TPX2: variants seen among roughly 807,000 people sequenced by gnomAD.
TPX2 encodes targeting protein for Xklp2.
A neutral mutation model predicts 93.6 loss-of-function variants in TPX2; 21 were observed. The observed-to-expected ratio is 0.22, with a 90% CI of 0.16 to 0.32. The LOEUF is 0.32. Ranked by LOEUF, TPX2 falls within the 10% of genes least tolerant of loss-of-function variation. TPX2 has a pLI of 1.00. For synonymous variants in TPX2, 281 were observed against 298.3 expected, an observed-to-expected ratio of 0.94 and a Z score of 0.60; for missense variants, 776 against 871.1, an observed-to-expected ratio of 0.89 and a Z score of 1.37.
chr20:31,772,520 A>T (rs2061970615), intron 7 of TPX2, among the ~76,000 whole-genome samples: 2 of 152,352 alleles, frequency 1.3e-5, no homozygotes, highest in South Asian at 4.1e-4. Flanking sequence ...TAAAAGAAAT[A>T]TAAAAGGAAA....
intron 2 of TPX2, among the ~76,000 whole-genome samples, chr20:31,745,416 G>T (rs2122946307): frequency 6.8e-6 from 1 of 147,432 alleles, no homozygotes; most frequent in East Asian, 2.0e-4. Flanking sequence ...TGCAACCTCT[G>T]CCTCCCTGGT....
chr20:31,784,093 T>G (rs1382812057), intron 12 of TPX2, among the ~76,000 whole-genome samples, 172 bp downstream of exon 12: 3 of 152,182 alleles, frequency 2.0e-5, no homozygotes, highest in Non-Finnish European at 2.9e-5. Context: ...CAAAGTCTGG[T>G]ATGGGAGACA....
At chr20:31,779,019 C>T (rs1475770835) in intron 10 of TPX2, 35 bp downstream of exon 10, 20 of 1,530,320 alleles carry the variant, frequency 1.3e-5, no homozygotes, top group Non-Finnish European at 1.7e-5. Flanking sequence ...TTGGATGGAA[C>T]CTCTCCTACA....
chr20:31,744,743 AT>A (rs2061773821), intron 2 of TPX2, among the ~76,000 whole-genome samples: 1 of 152,016 alleles, frequency 6.6e-6, no homozygotes, highest in Non-Finnish European at 1.5e-5. Context: ...GTATTCCATT[AT>A]TTGGTTCTTT....
At chr20:31,764,183 T>G (rs564014894) in intron 4 of TPX2, among the ~76,000 whole-genome samples, 1 of 151,906 alleles carries the variant, frequency 6.6e-6, no homozygotes, top group East Asian at 1.9e-4. Context: ...TATGTATATA[T>G]TTTTGAGACA....
chr20:31,793,318 T>C (rs1312003186), intron 13 of TPX2, among the ~76,000 whole-genome samples: 2 of 152,256 alleles, frequency 1.3e-5, no homozygotes, highest in Non-Finnish European at 2.9e-5. Context: ...CAGTTTCTTG[T>C]TACATCTCCC....
At chr20:31,780,004 GGTT>G (rs2062023345) in intron 10 of TPX2, among the ~76,000 whole-genome samples, 3 of 152,306 alleles carry the variant, frequency 2.0e-5, no homozygotes, top group African/African-American at 7.2e-5. Context: ...AGCAGAATGT[GGTT>G]GTTTTACCTT....
At chr20:31,789,818 C>G (rs539376349) in intron 12 of TPX2, among the ~76,000 whole-genome samples, 1 of 152,264 alleles carries the variant, frequency 6.6e-6, no homozygotes, top group Non-Finnish European at 1.5e-5. Context: ...TCCTTCATGG[C>G]CTACTTATTA....
intron 12 of TPX2, among the ~76,000 whole-genome samples, chr20:31,791,092 G>A (rs116057887): frequency 1.8e-4 from 28 of 152,270 alleles, no homozygotes; most frequent in Admixed American, 1.1e-3. Context: ...TCAGTAGTTC[G>A]TTGTGGTTGC....
intron 2 of TPX2, among the ~76,000 whole-genome samples, chr20:31,750,896 T>TTTGTTG (rs540926106): frequency 2.0e-5 from 3 of 151,900 alleles, no homozygotes; most frequent in Non-Finnish European, 4.4e-5. Flanking sequence ...GCTTAACTAT[T>TTTGTTG]TTGTTGTTGT....
intron 5 of TPX2, among the ~76,000 whole-genome samples, chr20:31,768,738 A>G (rs1400931077): frequency 6.6e-6 from 1 of 152,226 alleles, no homozygotes; most frequent in Non-Finnish European, 1.5e-5. Context: ...AAGAATTACA[A>G]ATCAATTAGT....
intron 17 of TPX2, 55 bp downstream of exon 17, chr20:31,798,607 C>T: frequency 1.3e-6 from 2 of 1,506,366 alleles, no homozygotes; most frequent in Non-Finnish European, 1.8e-6. Flanking sequence ...TTTATTTTAC[C>T]TGTACCTTAC....
chr20:31,788,872 T>C (rs1377970780), intron 12 of TPX2, among the ~76,000 whole-genome samples: 1 of 152,170 alleles, frequency 6.6e-6, no homozygotes, highest in Non-Finnish European at 1.5e-5. Flanking sequence ...GGCAGCAGGC[T>C]TTTTTAAAAT....
chr20:31,747,344 T>C (rs2061790022), intron 2 of TPX2, among the ~76,000 whole-genome samples: 1 of 152,192 alleles, frequency 6.6e-6, no homozygotes, highest in South Asian at 2.1e-4. Flanking sequence ...GATCTCGAAC[T>C]CCTGACTTCG....
At chr20:31,746,257 G>A (rs1019723936) in intron 2 of TPX2, among the ~76,000 whole-genome samples, 1 of 152,160 alleles carries the variant, frequency 6.6e-6, no homozygotes, top group African/African-American at 2.4e-5. Context: ...CTTAGTTTGT[G>A]ACTTTGATTA....
At chr20:31,764,891 T>C (rs534508839) in intron 4 of TPX2, among the ~76,000 whole-genome samples, 12 of 152,286 alleles carry the variant, frequency 7.9e-5, no homozygotes, top group Admixed American at 6.5e-4. Flanking sequence ...TCATATGCTA[T>C]GTGATTAAGT....
At chr20:31,760,218 G>C (rs1221520454) in intron 4 of TPX2, 39 bp downstream of exon 4, 1 of 1,609,814 alleles carries the variant, frequency 6.2e-7, no homozygotes, top group Admixed American at 1.7e-5. Context: ...TTGATAGAAT[G>C]GTGGGACAGT....
chr20:31,766,454 GGTGTGTGTGTGTGTGTGTGT>G (rs35700111), intron 4 of TPX2, 82 bp from the exon 5 acceptor site: 13 of 719,560 alleles, frequency 1.8e-5, no homozygotes, highest in Middle Eastern at 4.5e-4. Flanking sequence ...GCTTAGACAG[GGTGTGTGTGTGTGTGTGTGT>G]GTGTGTGTGT....
intron 12 of TPX2, among the ~76,000 whole-genome samples, chr20:31,787,934 T>A (rs904290480): frequency 6.6e-6 from 1 of 152,142 alleles, no homozygotes. Context: ...CCCCAAGGAA[T>A]TTTCAAGTGG....
Sources: allele counts gnomAD v4.1 joint callset (sites outside exome capture counted in the v4.1 genomes callset), GRCh38; gene constraint gnomAD v4.1.1; transcripts MANE v1.5; gene names NCBI Gene and HGNC (gene_info 2026-07-23, HGNC 2026-07-21).